Variants in CDC20B observed in about 807,000 individuals in gnomAD.
CDC20B encodes the protein cell division cycle protein 20 homolog B.
CDC20B carries 58 observed loss-of-function variants against 64.1 expected under a neutral mutation model. That is an observed-to-expected ratio of 0.90 (90% CI 0.73 to 1.13). The LOEUF (loss-of-function observed/expected upper bound fraction) is 1.13. CDC20B is among the 50% of genes most tolerant of loss of function. The pLI, the probability that CDC20B is intolerant of heterozygous loss-of-function variation, is 0.00. For synonymous variants in CDC20B, 243 were observed against 230.6 expected (o/e 1.05, Z -0.49); for missense variants, 597 against 633.0 (o/e 0.94, Z 0.61).
chr5:55,163,308 G>A (rs1744189106), intron 2 of CDC20B, among the ~76,000 whole-genome samples: 1 of 151,794 alleles, frequency 6.6e-6, no homozygotes. Flanking sequence ...TCACTTTAGT[G>A]CCCAGGAGTT....
At chr5:55,126,351 T>C (rs1026787176) in intron 8 of CDC20B, 11 of 178,382 alleles carry the variant, frequency 6.2e-5, no homozygotes, top group Non-Finnish European at 1.1e-4. Context: ...ATACAAAAAT[T>C]ACCCAGGCAT....
At chr5:55,170,412 G>A in intron 2 of CDC20B, 1 of 422,698 alleles carries the variant, frequency 2.4e-6, no homozygotes, top group Non-Finnish European at 5.0e-6. Context: ...TGCATTGTAA[G>A]TATTACTGTA....
chr5:55,141,688 T>G (rs147298969), intron 4 of CDC20B, among the ~76,000 whole-genome samples: 16 of 152,354 alleles, frequency 1.1e-4, no homozygotes, highest in African/African-American at 3.6e-4. Flanking sequence ...ATTTTGTTTT[T>G]CTTCCTTGAT....
At chr5:55,156,756 C>A (rs1472701809) in intron 2 of CDC20B, among the ~76,000 whole-genome samples, 2 of 152,128 alleles carry the variant, frequency 1.3e-5, no homozygotes, top group East Asian at 3.8e-4. Context: ...TGCCTGTAGT[C>A]CCAGCTACTC....
chr5:55,161,648 CAT>C (rs1421752967), intron 2 of CDC20B, among the ~76,000 whole-genome samples: 1 of 152,202 alleles, frequency 6.6e-6, no homozygotes, highest in East Asian at 1.9e-4. Context: ...TATTAGTTAA[CAT>C]ATGTTTGTGG....
intron 2 of CDC20B, among the ~76,000 whole-genome samples, chr5:55,167,812 C>T (rs1170514430): frequency 6.6e-6 from 1 of 151,958 alleles, no homozygotes; most frequent in Non-Finnish European, 1.5e-5. Context: ...TGCAGTGAGC[C>T]GACATGGCTC....
chr5:55,163,616 A>G (rs1489811950), intron 2 of CDC20B, among the ~76,000 whole-genome samples: 1 of 151,528 alleles, frequency 6.6e-6, no homozygotes, highest in African/African-American at 2.4e-5. Flanking sequence ...AAATGATTCT[A>G]CTGTCTCAGC....
intron 3 of CDC20B, among the ~76,000 whole-genome samples, chr5:55,145,891 G>GATTATTCC (rs1039515286): frequency 6.7e-6 from 1 of 148,518 alleles, no homozygotes; most frequent in Non-Finnish European, 1.5e-5. Context: ...TTTCACATCT[G>GATTATTCC]ATTATTCCAT....
At chr5:55,119,218 T>C (rs1034484292) in intron 11 of CDC20B, among the ~76,000 whole-genome samples, 2 of 152,116 alleles carry the variant, frequency 1.3e-5, no homozygotes, top group Admixed American at 6.6e-5. Context: ...GTAGAGGAGA[T>C]ACTCTACTCA....
intron 2 of CDC20B, among the ~76,000 whole-genome samples, chr5:55,168,074 C>A (rs745490398): frequency 4.0e-5 from 6 of 151,748 alleles, no homozygotes; most frequent in Admixed American, 1.3e-4. Context: ...CATATTTAGT[C>A]CTCTGCTTGA....
Position 55,114,126 on chromosome 5 carries a change from T to A in CDC20B, c.*92A>T. ...CATCAAGAAGAGTATTTCAACTTGT[T>A]TGATACTCATAAAAACCCCATGGAG... is the stretch of plus-strand genomic sequence containing the variant. On this transcript the variant is annotated 3_prime_UTR_variant, in exon 12 of 12. Coordinates refer to ENST00000381375, the MANE Select transcript of CDC20B (RefSeq NM_001170402.1). This position sits in a 1 kb window ranked among gnomAD's most constrained non-coding sequence, Gnocchi z 4.1. 6.7e-7 allele frequency: 1 copy of A among 1,496,884 alleles called. No individual in the cohort carries two copies. Among genetic ancestry groups the A allele is most frequent in the South Asian group, 1.4e-5 (1 of 73,456 alleles). 92.7% of individuals were successfully genotyped at this position (1,496,884 alleles called of 1,614,324 possible).
chr5:55,153,425 T>A (rs766116436), intron 2 of CDC20B, among the ~76,000 whole-genome samples: 2 of 152,082 alleles, frequency 1.3e-5, no homozygotes, highest in African/African-American at 4.8e-5. Flanking sequence ...TCAGAACCAA[T>A]ACTTGTTAGT....
intron 5 of CDC20B, among the ~76,000 whole-genome samples, chr5:55,135,270 G>T (rs576452513): frequency 6.6e-6 from 1 of 151,834 alleles, no homozygotes; most frequent in African/African-American, 2.4e-5. Context: ...AAGAGAGAGG[G>T]AGAGAGAGAG....
intron 11 of CDC20B, among the ~76,000 whole-genome samples, chr5:55,117,754 T>C (rs1392976684): frequency 6.6e-6 from 1 of 152,186 alleles, no homozygotes; most frequent in Non-Finnish European, 1.5e-5. Flanking sequence ...AAACAACAAA[T>C]GCTATCACCT....
intron 7 of CDC20B, 115 bp from the exon 8 acceptor site, chr5:55,127,466 AACCCAGCACATCT>A: frequency 1.3e-6 from 1 of 773,918 alleles, no homozygotes; most frequent in East Asian, 2.6e-5. Context: ...ACTAAGTGAA[AACCCAGCACATCT>A]AGCCAGCAGT....
intron 11 of CDC20B, among the ~76,000 whole-genome samples, chr5:55,116,890 C>T (rs533310299): frequency 2.6e-5 from 4 of 152,288 alleles, no homozygotes; most frequent in East Asian, 3.9e-4. Flanking sequence ...TTGGACTGGA[C>T]GCAAAGACAT....
intron 2 of CDC20B, among the ~76,000 whole-genome samples, chr5:55,162,133 C>G (rs564276411): frequency 6.6e-6 from 1 of 150,506 alleles, no homozygotes; most frequent in Admixed American, 6.6e-5. Flanking sequence ...CGGTGGCTCA[C>G]GCCTGTAATC....
rs1742922755 is a variant in CDC20B at position 55,127,439 on chromosome 5, A to G, written c.895-88T>C. 6 of 1,014,326 alleles carry G rather than the reference A, an allele frequency of 5.9e-6. No individual in the cohort carries two copies. In the South Asian group the frequency reaches 6.6e-5, roughly 11 times the overall value. 62.8% of individuals were successfully genotyped at this position (1,014,326 alleles called of 1,614,324 possible). On this transcript the variant is annotated intron_variant, in intron 7 of 11. Transcript: ENST00000381375. ...AAGGCCTGAGAGCCAATTACTGCTG[A>G]TATTGTTAGTTTTTGTACTAAGTGA...
chr5:55,160,727 C>A, intron 2 of CDC20B: 1 of 462,082 alleles, frequency 2.2e-6, no homozygotes, highest in Non-Finnish European at 3.8e-6. Context: ...TTAAAAAGAA[C>A]TTATCAAGGA....
Sources: gnomAD v4.1 joint callset for allele counts (sites outside exome capture counted in the v4.1 genomes callset) on GRCh38, gnomAD v4.1.1 for gene constraint, Gnocchi (gnomAD v3.1) non-coding constraint, MANE v1.5 for transcripts, NCBI Gene and HGNC (gene_info 2026-07-23, HGNC 2026-07-21) for gene names.